DNAJB6: variants seen among roughly 807,000 people sequenced by gnomAD.
The protein encoded by DNAJB6 is dnaJ homolog subfamily B member 6.
Under a neutral mutation model 42.7 loss-of-function variants are expected in DNAJB6, and 16 were observed. The observed-to-expected ratio is 0.37, with a 90% CI of 0.25 to 0.57. The LOEUF is 0.57. Ranked by LOEUF, DNAJB6 falls within the 20% of genes least tolerant of loss-of-function variation. DNAJB6 has a pLI of 0.74. For synonymous variants in DNAJB6, 170 were observed against 163.5 expected, an observed-to-expected ratio of 1.04 and a Z score of -0.30; for missense variants, 347 against 416.8, an observed-to-expected ratio of 0.83 and a Z score of 1.46.
chr7:157,369,342 G>A (rs529510927), intron 5 of DNAJB6: 99 of 456,688 alleles, frequency 2.2e-4, no homozygotes, highest in South Asian at 1.4e-3. Context: ...TCAGCAAACT[G>A]CATTTGTTGC....
chr7:157,341,313 C>T lies in DNAJB6; in HGVS notation c.-27+4169C>T, dbSNP rs555644810. ...CTGATTTTTGTATTTTTAGTAGAGACGGGGGTTTCACCATCTTGGCCAGGC... is the reference window on the plus strand; with the variant it reads ...CTGATTTTTGTATTTTTAGTAGAGATGGGGGTTTCACCATCTTGGCCAGGC... On this transcript the variant is annotated intron_variant, in intron 1 of 9. Coordinates refer to ENST00000262177, the MANE Select transcript of DNAJB6 (RefSeq NM_058246.4). 8.8e-4 allele frequency among the ~76,000 whole-genome samples: 133 copies of T among 151,688 alleles called. 2 individuals carry two copies. The South Asian group carries it at 0.027, about 31-fold the overall frequency.
intron 8 of DNAJB6, among the ~76,000 whole-genome samples, chr7:157,390,213 C>T (rs1392893868): frequency 6.6e-6 from 1 of 152,172 alleles, no homozygotes; most frequent in Non-Finnish European, 1.5e-5. Flanking sequence ...ACTCCCCACA[C>T]CCCTCCTGCT....
intron 2 of DNAJB6, among the ~76,000 whole-genome samples, chr7:157,359,834 A>C (rs1417385226): frequency 6.6e-6 from 1 of 152,228 alleles, no homozygotes; most frequent in Non-Finnish European, 1.5e-5. Context: ...AAGCCAAGTC[A>C]GGATGGCTGA....
chr7:157,344,344 C>CGA (rs1798573326), intron 1 of DNAJB6, among the ~76,000 whole-genome samples: 1 of 148,950 alleles, frequency 6.7e-6, no homozygotes, highest in Non-Finnish European at 1.5e-5. Flanking sequence ...AGTGAGACTC[C>CGA]GTCTCAAAAA....
intron 8 of DNAJB6, among the ~76,000 whole-genome samples, chr7:157,397,890 C>G (rs1801672134): frequency 6.6e-6 from 1 of 152,252 alleles, no homozygotes; most frequent in African/African-American, 2.4e-5. Context: ...GTGGCCCACG[C>G]CTGTAATCCC....
chr7:157,387,196 G>A (rs535854635), intron 8 of DNAJB6, among the ~76,000 whole-genome samples: 4 of 152,172 alleles, frequency 2.6e-5, no homozygotes, highest in Non-Finnish European at 2.9e-5. Context: ...AATATTTTAA[G>A]GAATTTCATA....
At chr7:157,360,407 G>C (rs2116958718) in intron 2 of DNAJB6, among the ~76,000 whole-genome samples, 2 of 152,320 alleles carry the variant, frequency 1.3e-5, no homozygotes, top group South Asian at 4.1e-4. Flanking sequence ...CTCAAGTTGA[G>C]ATTTGGGTGG....
intron 1 of DNAJB6, among the ~76,000 whole-genome samples, chr7:157,344,492 AAC>A (rs1440756009): frequency 6.6e-6 from 1 of 152,128 alleles, no homozygotes; most frequent in Admixed American, 6.5e-5. Flanking sequence ...CAGCCTGGGC[AAC>A]AGAGTGAGAC....
intron 5 of DNAJB6, chr7:157,369,013 T>C (rs560286309): frequency 2.5e-5 from 9 of 356,850 alleles, no homozygotes; most frequent in South Asian, 6.4e-5. Context: ...GAGGTTGTTC[T>C]TACACCTTAT....
intron 8 of DNAJB6, among the ~76,000 whole-genome samples, chr7:157,393,579 T>G (rs940772465): frequency 6.6e-6 from 1 of 152,154 alleles, no homozygotes; most frequent in South Asian, 2.1e-4. Flanking sequence ...GGAGGGTGAG[T>G]TGGGAGCCGT....
At chr7:157,369,868 A>ATCATTATTAAACAGGCCTTTCATAACG (rs1800069397) in intron 5 of DNAJB6, among the ~76,000 whole-genome samples, 4 of 149,958 alleles carry the variant, frequency 2.7e-5, no homozygotes, top group African/African-American at 1.0e-4. Flanking sequence ...CCTTCTTCAC[A>ATCATTATTAAACAGGCCTTTCATAACG]TTATTATTAA....
chr7:157,345,397 C>G (rs931570128), intron 1 of DNAJB6, among the ~76,000 whole-genome samples: 11 of 152,160 alleles, frequency 7.2e-5, no homozygotes, highest in Admixed American at 5.9e-4. Context: ...TCACAGCATC[C>G]TTGATCTCTT....
intron 5 of DNAJB6, chr7:157,378,042 A>G (rs561154465): frequency 6.6e-6 from 1 of 152,354 alleles, no homozygotes; most frequent in South Asian, 2.1e-4. Context: ...AAGAGAGGGA[A>G]GAAAACTGCT....
intron 8 of DNAJB6, among the ~76,000 whole-genome samples, chr7:157,403,051 CAG>C (rs1795593078): frequency 1.3e-5 from 2 of 152,298 alleles, no homozygotes; most frequent in East Asian, 1.9e-4. Flanking sequence ...TTATGCATCT[CAG>C]GGAGACATGA....
chr7:157,386,797 T>G (rs1801085072), intron 8 of DNAJB6, among the ~76,000 whole-genome samples: 1 of 151,954 alleles, frequency 6.6e-6, no homozygotes, highest in South Asian at 2.1e-4. Flanking sequence ...GGCAGAAGAA[T>G]TGCTTGAACC....
At chr7:157,397,490 C>T (rs1027253036) in intron 8 of DNAJB6, among the ~76,000 whole-genome samples, 10 of 152,294 alleles carry the variant, frequency 6.6e-5, no homozygotes, top group Non-Finnish European at 1.3e-4. Flanking sequence ...CTTTTGTTGG[C>T]GGGGTTTCGT....
intron 1 of DNAJB6, chr7:157,340,141 G>GT (rs1393710176): frequency 1.3e-5 from 2 of 152,216 alleles, no homozygotes; most frequent in Non-Finnish European, 2.9e-5. Flanking sequence ...GTGAGTTGAC[G>GT]TTTTGACGGG....
chr7:157,361,314 A>G (rs2116963602), intron 2 of DNAJB6, among the ~76,000 whole-genome samples: 1 of 152,176 alleles, frequency 6.6e-6, no homozygotes, highest in African/African-American at 2.4e-5. Context: ...GCCTGCCATG[A>G]TGCCCAGCTA....
At chr7:157,363,382 A>G in intron 3 of DNAJB6, 112 bp downstream of exon 3, 1 of 644,430 alleles carries the variant, frequency 1.6e-6, no homozygotes. Context: ...CTTGTTTTTG[A>G]TGCCTACTGG....
Sources: allele counts gnomAD v4.1 joint callset (sites outside exome capture counted in the v4.1 genomes callset), GRCh38; gene constraint gnomAD v4.1.1; transcripts MANE v1.5; gene names NCBI Gene and HGNC (gene_info 2026-07-23, HGNC 2026-07-21).